ARAP2: variants seen among roughly 807,000 people sequenced by gnomAD.
ARAP2 encodes ArfGAP with RhoGAP domain, ankyrin repeat and PH domain 2, also known as arf-GAP with Rho-GAP domain, ANK repeat and PH domain-containing protein 2.
Under a neutral mutation model 194.5 loss-of-function variants are expected in ARAP2, and 148 were observed. The ratio of observed to expected loss-of-function variants is 0.76; its 90% CI spans 0.67 to 0.87. The LOEUF (loss-of-function observed/expected upper bound fraction) is 0.87, where lower values mean the gene tolerates loss of function less well. Ranked by LOEUF, ARAP2 falls within the 40% of genes least tolerant of loss-of-function variation. The probability of loss-of-function intolerance (pLI) is 0.00; values close to 1 mark genes in which losing one functional copy is unlikely to be tolerated. For synonymous variants in ARAP2, 695 were observed against 683.5 expected, an observed-to-expected ratio of 1.02 and a Z score of -0.26; for missense variants, 2,128 against 1,989.7, an observed-to-expected ratio of 1.07 and a Z score of -1.32.
rs879921675 is a variant in ARAP2 at position 36,014,293 on chromosome 4, GAA to G, written n.1056+1091_1056+1092del. On this transcript the variant is annotated intron_variant and non_coding_transcript_variant, in intron 8 of 12. Transcript: ENST00000503225. ...AGAAAGAAAGAAAGAAAGAAAGAAAGAAAGAAGAGAAGGAAGGAAAGAAAGAA... is the reference window on the plus strand; with the variant it reads ...AGAAAGAAAGAAAGAAAGAAAGAAAGAGAAGAGAAGGAAGGAAAGAAAGAA... Among the ~76,000 whole-genome samples the G allele has an allele frequency of 9.7e-4, 131 of 135,392 alleles. 3 individuals are homozygous for G. Among genetic ancestry groups the G allele is most frequent in the African/African-American group, 3.1e-3 (111 of 35,686 alleles). The allele number at this position is 135,392 out of a possible 152,430, so 88.8% of individuals were successfully genotyped here.
intron 28 of ARAP2, among the ~76,000 whole-genome samples, chr4:36,091,539 T>A (rs1451561964): frequency 6.6e-6 from 1 of 152,164 alleles, no homozygotes; most frequent in Non-Finnish European, 1.5e-5. Context: ...TTTATTAATT[T>A]CCAGTAGCTA....
At chr4:36,125,253 T>G (rs1252737098) in intron 21 of ARAP2, among the ~76,000 whole-genome samples, 2 of 151,998 alleles carry the variant, frequency 1.3e-5, no homozygotes, top group East Asian at 3.9e-4. Flanking sequence ...TTTTTTTATC[T>G]TCTACTTTAT....
intron 6 of ARAP2, among the ~76,000 whole-genome samples, chr4:36,199,862 CTGTT>C (rs1448566071): frequency 6.6e-6 from 1 of 152,188 alleles, no homozygotes; most frequent in African/African-American, 2.4e-5. Flanking sequence ...AAAACAAACT[CTGTT>C]AGGTGACAGT....
Position 36,159,356 on chromosome 4 carries a change from T to A in ARAP2, c.2592A>T (p.Glu864Asp). The A allele has an allele frequency of 6.2e-7, 1 of 1,606,930 alleles. No individual in the cohort carries two copies. The highest frequency in any genetic ancestry group is 8.5e-7 in the Non-Finnish European group (1 of 1,175,764). The change falls in exon 14 of 33, where the codon GAA (glutamate) becomes GAT (aspartate). Residue 864 changes from glutamate to aspartate, a missense_variant. Coordinates refer to ENST00000303965, the MANE Select transcript of ARAP2 (RefSeq NM_015230.4). ...AKKAGQSLQMEFLYHNKFSDF... is the reference protein window; with the variant it reads ...AKKAGQSLQMDFLYHNKFSDF... ...CTGAGAATTTGTTATGGTAGAGAAATTCCATTTGCAGACTTTGCCCAGCTT... is the reference window on the plus strand; with the variant it reads ...CTGAGAATTTGTTATGGTAGAGAAAATCCATTTGCAGACTTTGCCCAGCTT...
Position 36,101,920 on chromosome 4 carries a change from C to A in ARAP2, c.4285+5645G>T, listed in dbSNP as rs541426898. Among the ~76,000 whole-genome samples the A allele has an allele frequency of 2.6e-5, 4 of 152,080 alleles. No individual in the cohort carries two copies. The East Asian group carries it at 7.8e-4, about 30-fold the overall frequency. On this transcript the variant is annotated intron_variant, in intron 27 of 32. Coordinates refer to ENST00000303965, the MANE Select transcript of ARAP2 (RefSeq NM_015230.4). Reference sequence around the variant, plus strand: ...AGGTGCCTTTCTTGGTTTCATGTATCATTTTACACTGTTAAGCACTCTTTT... The same window carrying A: ...AGGTGCCTTTCTTGGTTTCATGTATAATTTTACACTGTTAAGCACTCTTTT...
chr4:36,161,439 C>T lies in ARAP2; in HGVS notation c.2259+26G>A, dbSNP rs777073926. ...TCTGCAAACTGAACCCCTATCACAA[C>T]CCCATTCAGGTTAAATAGGACTCAC... On this transcript the variant is annotated intron_variant, in intron 12 of 32. Transcript: ENST00000303965. The T allele has an allele frequency of 3.8e-6, 6 of 1,590,432 alleles. No individual in the cohort carries two copies. In the East Asian group the frequency reaches 1.1e-4, roughly 30 times the overall value.
chr4:36,055,730 ATT>A (rs1560331561), intron 2 of ARAP2, among the ~76,000 whole-genome samples: 1 of 151,860 alleles, frequency 6.6e-6, no homozygotes. Flanking sequence ...TGACAAGCTA[ATT>A]TTTGTATTTT....
intron 6 of ARAP2, among the ~76,000 whole-genome samples, chr4:36,195,712 A>G (rs1371449392): frequency 2.0e-5 from 3 of 152,208 alleles, no homozygotes; most frequent in Non-Finnish European, 4.4e-5. Flanking sequence ...ATCTAAACCA[A>G]CTACAAAGAA....
At chr4:36,128,435 G>T (rs1246777770) in intron 21 of ARAP2, 98 bp downstream of exon 21, 12 of 886,690 alleles carry the variant, frequency 1.4e-5, no homozygotes, top group Non-Finnish European at 6.7e-6. Flanking sequence ...GATGTTTAAA[G>T]TCTAAGTATT....
intron 6 of ARAP2, among the ~76,000 whole-genome samples, chr4:36,201,463 G>A (rs1744347010): frequency 6.6e-6 from 1 of 152,154 alleles, no homozygotes; most frequent in Non-Finnish European, 1.5e-5. Context: ...AAACACATTA[G>A]CCTGAGTTTT....
intron 28 of ARAP2, among the ~76,000 whole-genome samples, chr4:36,086,632 C>T (rs1228424056): frequency 6.6e-6 from 1 of 152,054 alleles, no homozygotes; most frequent in East Asian, 1.9e-4. Flanking sequence ...CCAAAAAGTT[C>T]AATATACTAG....
At chr4:36,044,596 G>A (rs999978812) in intron 5 of ARAP2, among the ~76,000 whole-genome samples, 1 of 151,874 alleles carries the variant, frequency 6.6e-6, no homozygotes, top group African/African-American at 2.4e-5. Context: ...AACTGTAGAG[G>A]AAAACATAGC....
At chr4:36,136,033 C>T (rs1408859592) in intron 19 of ARAP2, among the ~76,000 whole-genome samples, 1 of 151,750 alleles carries the variant, frequency 6.6e-6, no homozygotes, top group Non-Finnish European at 1.5e-5. Context: ...AGAACTTTCT[C>T]AACTTGTCAA....
intron 32 of ARAP2, among the ~76,000 whole-genome samples, chr4:36,073,212 C>T (rs142842049): frequency 6.8e-4 from 103 of 152,114 alleles, no homozygotes; most frequent in African/African-American, 2.3e-3. Context: ...TGAAAGATGC[C>T]AAATCTTCTT....
At chr4:36,104,405 A>G (rs1192716017) in intron 27 of ARAP2, among the ~76,000 whole-genome samples, 1 of 151,956 alleles carries the variant, frequency 6.6e-6, no homozygotes, top group Non-Finnish European at 1.5e-5. Flanking sequence ...TTAGATCCCA[A>G]TTTTAAGGTG....
intron 26 of ARAP2, among the ~76,000 whole-genome samples, chr4:36,113,820 A>G (rs1281270800): frequency 2.0e-5 from 3 of 151,990 alleles, no homozygotes; most frequent in Non-Finnish European, 4.4e-5. Flanking sequence ...TATAATAAAC[A>G]ATATTTTAAA....
chr4:36,243,095 A>T (rs1194793365), intron 1 of ARAP2, among the ~76,000 whole-genome samples: 2 of 121,226 alleles, frequency 1.6e-5, no homozygotes, highest in Non-Finnish European at 3.2e-5. Context: ...AATAAGAGTT[A>T]AAAAAAAAAG....
intron 15 of ARAP2, among the ~76,000 whole-genome samples, chr4:36,155,050 T>C (rs1332057319): frequency 6.6e-6 from 1 of 152,250 alleles, no homozygotes; most frequent in African/African-American, 2.4e-5. Flanking sequence ...AGCAATTATA[T>C]CTTTTTATCC....
At chr4:36,203,127 T>TAATAG (rs1744765508) in intron 6 of ARAP2, among the ~76,000 whole-genome samples, 1 of 152,178 alleles carries the variant, frequency 6.6e-6, no homozygotes, top group Non-Finnish European at 1.5e-5. Context: ...TCTCTCCACC[T>TAATAG]TCACTCAACA....
Sources: allele counts gnomAD v4.1 joint callset (sites outside exome capture counted in the v4.1 genomes callset), GRCh38; gene constraint gnomAD v4.1.1; transcripts MANE v1.5; gene names NCBI Gene and HGNC (gene_info 2026-07-23, HGNC 2026-07-21).